Variants in RBM39 observed in about 807,000 individuals in gnomAD.
The protein encoded by RBM39 is RNA binding motif protein 39, also known as RNA-binding protein 39.
In RBM39, 12 loss-of-function variants were observed where a neutral mutation model predicts 79.6. The observed-to-expected ratio is 0.15, with a 90% CI of 0.10 to 0.24. RBM39 has a LOEUF of 0.24. RBM39 is among the 10% of genes least tolerant of loss of function. The probability of loss-of-function intolerance (pLI) is 1.00; values close to 1 mark genes in which losing one functional copy is unlikely to be tolerated. For synonymous variants in RBM39, 185 were observed against 208.4 expected, an observed-to-expected ratio of 0.89 and a Z score of 0.97; for missense variants, 243 against 653.4, an observed-to-expected ratio of 0.37 and a Z score of 6.85.
intron 1 of RBM39, 147 bp from the exon 2 acceptor site, chr20:35,741,034 T>TTTTATTTTTTTA (rs1555909171): frequency 3.1e-6 from 1 of 323,920 alleles, no homozygotes; most frequent in Admixed American, 6.4e-5. Context: ...ATTTTTCTTT[T>TTTTATTTTTTTA]TTTTTTTTTT....
At chr20:35,710,062 A>G (rs2036211057) in intron 12 of RBM39, among the ~76,000 whole-genome samples, 1 of 152,224 alleles carries the variant, frequency 6.6e-6, no homozygotes, top group African/African-American at 2.4e-5. Flanking sequence ...CTACAGAGTG[A>G]AACAGTAGCA....
rs927434588 is a variant in RBM39, at chr20:35,741,985, G to GATTGCT, written c.-64_-59dup. The GATTGCT allele has an allele frequency of 1.2e-5, 3 of 243,576 alleles. No individual in the cohort carries two copies. Among genetic ancestry groups the GATTGCT allele is most frequent in the African/African-American group, 2.7e-5 (1 of 36,988 alleles). The allele number at this position is 243,576 out of a possible 1,614,324, so 15.1% of individuals were successfully genotyped here. ...CCTGTGGTGCTCGTGTTCGGGAAGA[G>GATTGCT]ATTGCTGCTGCTGCTGCTGCTGCTG... On this transcript the variant is annotated 5_prime_UTR_variant, in exon 1 of 17. Coordinates refer to ENST00000253363, the MANE Select transcript of RBM39 (RefSeq NM_184234.3).
intron 12 of RBM39, chr20:35,710,397 A>G (rs954854833): frequency 6.6e-6 from 1 of 152,226 alleles, no homozygotes; most frequent in Non-Finnish European, 1.5e-5. Context: ...ACTTTAAATA[A>G]TAACAGAATT....
chr20:35,717,100 C>G (rs1313666875), intron 9 of RBM39, among the ~76,000 whole-genome samples: 1 of 152,054 alleles, frequency 6.6e-6, no homozygotes, highest in African/African-American at 2.4e-5. Context: ...GCCAACATGA[C>G]GAAATCAGGT....
At chr20:35,710,010 T>C (rs936687104) in intron 12 of RBM39, among the ~76,000 whole-genome samples, 3 of 152,206 alleles carry the variant, frequency 2.0e-5, no homozygotes, top group African/African-American at 4.8e-5. Flanking sequence ...TATTTTCTCA[T>C]ATAATCGTTA....
chr20:35,709,960 CATCTA>C (rs1038169706), intron 12 of RBM39, among the ~76,000 whole-genome samples: 41 of 152,172 alleles, frequency 2.7e-4, no homozygotes, highest in African/African-American at 9.6e-4. Context: ...AAAATGAAAA[CATCTA>C]ATCAGTATTA....
intron 6 of RBM39, 34 bp downstream of exon 6, chr20:35,729,278 T>G: frequency 6.5e-7 from 1 of 1,541,196 alleles, no homozygotes; most frequent in Non-Finnish European, 8.7e-7. Context: ...GCAAAAGCTT[T>G]TTAAGAGCTA....
At chr20:35,724,883 T>G (rs1245716139) in intron 7 of RBM39, among the ~76,000 whole-genome samples, 155 bp downstream of exon 7, 1 of 152,242 alleles carries the variant, frequency 6.6e-6, no homozygotes, top group East Asian at 1.9e-4. Flanking sequence ...TGAACAAATT[T>G]GTAGTAACAT....
intron 8 of RBM39, among the ~76,000 whole-genome samples, chr20:35,724,337 C>CA (rs889701869): frequency 1.4e-5 from 2 of 144,682 alleles, no homozygotes; most frequent in Admixed American, 7.0e-5. Context: ...AAAAACAAAA[C>CA]AAAAAAAAGG....
At chr20:35,728,201 CAAATAGTA>C (rs1021859013) in intron 6 of RBM39, among the ~76,000 whole-genome samples, 2 of 152,024 alleles carry the variant, frequency 1.3e-5, no homozygotes, top group East Asian at 1.9e-4. Flanking sequence ...TCAGGACAGC[CAAATAGTA>C]AAACTTACTG....
chr20:35,725,677 TC>T (rs112443567), intron 6 of RBM39, among the ~76,000 whole-genome samples: 7 of 102,526 alleles, frequency 6.8e-5, no homozygotes, highest in African/African-American at 3.4e-4. Context: ...TTTTTTTTTT[TC>T]CAGAGGAAGT....
chr20:35,733,348 C>T (rs1393754832), intron 3 of RBM39, among the ~76,000 whole-genome samples: 5 of 149,768 alleles, frequency 3.3e-5, no homozygotes, highest in Admixed American at 1.3e-4. Context: ...TGGCTCACAC[C>T]TGTAATCTCA....
intron 3 of RBM39, chr20:35,734,430 A>G: frequency 1.1e-5 from 3 of 281,022 alleles, no homozygotes; most frequent in South Asian, 1.0e-4. Flanking sequence ...TATCTCTGTG[A>G]CACTATTCCA....
At chr20:35,725,667 TTTTTTTTTTTC>T (rs1198912727) in intron 6 of RBM39, among the ~76,000 whole-genome samples, 1 of 141,244 alleles carries the variant, frequency 7.1e-6, no homozygotes, top group African/African-American at 2.8e-5. Flanking sequence ...CTTTTTTTTT[TTTTTTTTTTTC>T]CAGAGGAAGT....
chr20:35,741,025 T>TTTTTA, intron 1 of RBM39, 138 bp from the exon 2 acceptor site: 1 of 369,046 alleles, frequency 2.7e-6, no homozygotes, highest in Non-Finnish European at 4.5e-6. Context: ...TGAGTAAACA[T>TTTTTA]TTTTCTTTTT....
chr20:35,719,676 C>A (rs1372093109), intron 9 of RBM39, among the ~76,000 whole-genome samples: 1 of 152,118 alleles, frequency 6.6e-6, no homozygotes, highest in Admixed American at 6.5e-5. Context: ...AAACTCCCAT[C>A]TCAAAATTTA....
chr20:35,726,710 T>C (rs964758152), intron 6 of RBM39, among the ~76,000 whole-genome samples: 3 of 152,234 alleles, frequency 2.0e-5, no homozygotes, highest in Non-Finnish European at 4.4e-5. Context: ...AAATATCAAT[T>C]AAGGTTGTAA....
At chr20:35,731,804 C>T in intron 4 of RBM39, 137 bp downstream of exon 4, 1 of 895,458 alleles carries the variant, frequency 1.1e-6, no homozygotes, top group South Asian at 1.6e-5. Flanking sequence ...GTATTCAATG[C>T]CAATATCCTT....
At chr20:35,716,341 T>C (rs2037128123) in intron 10 of RBM39, among the ~76,000 whole-genome samples, 1 of 152,208 alleles carries the variant, frequency 6.6e-6, no homozygotes, top group South Asian at 2.1e-4. Context: ...CCCAAAGTGC[T>C]GGGATTACAG....
Sources: allele counts gnomAD v4.1 joint callset (sites outside exome capture counted in the v4.1 genomes callset), GRCh38; gene constraint gnomAD v4.1.1; transcripts MANE v1.5; gene names NCBI Gene and HGNC (gene_info 2026-07-23, HGNC 2026-07-21).